Variants in SLC7A14 observed in about 807,000 individuals in gnomAD.
The protein encoded by SLC7A14 is solute carrier family 7 member 14.
SLC7A14 carries 37 observed loss-of-function variants against 60.2 expected under a neutral mutation model. The observed-to-expected ratio is 0.61, with a 90% confidence interval of 0.47 to 0.81. The LOEUF (loss-of-function observed/expected upper bound fraction) is 0.81. Ranked by LOEUF, SLC7A14 falls within the 30% of genes least tolerant of loss-of-function variation. The probability of loss-of-function intolerance (pLI) is 0.00; values close to 1 mark genes in which losing one functional copy is unlikely to be tolerated. For synonymous variants in SLC7A14, 399 were observed against 395.8 expected (o/e 1.01, Z -0.10); for missense variants, 886 against 982.7 (o/e 0.90, Z 1.32).
At chr3:170,496,623 G>T in intron 4 of SLC7A14, 1 of 1,535,698 alleles carries the variant, frequency 6.5e-7, no homozygotes, top group Non-Finnish European at 9.0e-7. Flanking sequence ...GCTGGAGGGC[G>T]AGGAGAGCCC....
At chr3:170,584,711 C>A (rs987854876) in intron 1 of SLC7A14, among the ~76,000 whole-genome samples, 7 of 152,188 alleles carry the variant, frequency 4.6e-5, no homozygotes, top group African/African-American at 1.7e-4. Flanking sequence ...GAACTTTCAG[C>A]ACCGCGGACA....
rs78612457 is a variant in SLC7A14, at chr3:170,582,259, G to T, written c.-153+3652C>A. 3.2e-3 allele frequency among the ~76,000 whole-genome samples: 494 copies of T among 152,086 alleles called. 12 individuals carry two copies. In the East Asian group the frequency reaches 0.085, roughly 26 times the overall value. On this transcript the variant is annotated intron_variant, in intron 1 of 7. Transcript: ENST00000231706. The stretch of plus-strand genomic sequence containing the variant: ...ACTTCTTCCCAGTTCCTAGTTCTTG[G>T]TTGCTGTGAGGGTGTGTTTAGTACT...
At chr3:170,558,878 T>C (rs1577561888) in intron 1 of SLC7A14, among the ~76,000 whole-genome samples, 1 of 152,190 alleles carries the variant, frequency 6.6e-6, no homozygotes, top group South Asian at 2.1e-4. Context: ...GCAGAAGAGG[T>C]GGTCATTCCT....
At chr3:170,567,754 A>G (rs62294661) in intron 1 of SLC7A14, among the ~76,000 whole-genome samples, 6 of 151,846 alleles carry the variant, frequency 4.0e-5, no homozygotes, top group African/African-American at 7.3e-5. Context: ...TTTCTCTGAT[A>G]GCCAGTGATG....
chr3:170,490,005 A>G (rs1189691502), intron 4 of SLC7A14, among the ~76,000 whole-genome samples: 1 of 152,156 alleles, frequency 6.6e-6, no homozygotes, highest in Non-Finnish European at 1.5e-5. Flanking sequence ...AAAAAAGTAG[A>G]AAGAATGAGT....
rs1462328910 is a variant in SLC7A14 at position 170,467,296 on chromosome 3, G to A, written c.2075C>T (p.Thr692Met). ...SAREEALHQS[T>M]YQRYDVDDPF... is the part of the protein sequence containing the mutation. ...GTCATCCACGTCGTAGCGTTGGTAC[G>A]TGCTTTGGTGCAGGGCCTCTTCTCG... The change falls in exon 8 of 8, where the codon ACG becomes ATG. Residue 692 changes from threonine (T) to methionine (M), a missense_variant. Thr to Met is a moderately conservative substitution (Grantham distance 81). Coordinates refer to ENST00000231706, the MANE Select transcript of SLC7A14 (RefSeq NM_020949.3). 2.5e-6 allele frequency: 4 copies of A among 1,614,074 alleles called. No individual in the cohort carries two copies. The highest frequency in any genetic ancestry group is 2.2e-5 in the East Asian group (1 of 44,896).
chr3:170,556,912 A>G (rs1381408902), intron 1 of SLC7A14, among the ~76,000 whole-genome samples: 1 of 152,082 alleles, frequency 6.6e-6, no homozygotes, highest in East Asian at 1.9e-4. Context: ...GCTATCTCCC[A>G]CTCTCATCAC....
chr3:170,502,327 A>C (rs1353586121), intron 2 of SLC7A14, among the ~76,000 whole-genome samples: 1 of 152,226 alleles, frequency 6.6e-6, no homozygotes, highest in African/African-American at 2.4e-5. Flanking sequence ...CTGCATTTTA[A>C]CCAGTTCCCA....
chr3:170,504,230 C>A (rs1055565956), intron 2 of SLC7A14, among the ~76,000 whole-genome samples: 1 of 152,044 alleles, frequency 6.6e-6, no homozygotes, highest in Non-Finnish European at 1.5e-5. Context: ...TTTAAAATAT[C>A]TGGTATGTAA....
chr3:170,577,813 G>A (rs1715139069), intron 1 of SLC7A14, among the ~76,000 whole-genome samples: 1 of 152,128 alleles, frequency 6.6e-6, no homozygotes, highest in Non-Finnish European at 1.5e-5. Flanking sequence ...CATATTAAGA[G>A]CTAAATGCCC....
Position 170,515,910 on chromosome 3 carries a change from G to C in SLC7A14, c.304+10723C>G, listed in dbSNP as rs1184410517. Among the ~76,000 whole-genome samples the C allele has an allele frequency of 2.0e-5, 3 of 152,068 alleles. No individual in the cohort carries two copies. The East Asian group carries it at 5.8e-4, about 29-fold the overall frequency. On this transcript the variant is annotated intron_variant, in intron 2 of 7. Transcript: ENST00000231706. ...TGTGCACATCTTGTTTCTTCATATT[G>C]ATATCAAGCCCTTTGTCTCAGGGTT...
rs73882027 is a variant in SLC7A14 at position 170,508,680 on chromosome 3, A to T, written c.305-7335T>A. Among the ~76,000 whole-genome samples the T allele has an allele frequency of 6.3e-3, 952 of 152,292 alleles. 6 individuals are homozygous for T. Among genetic ancestry groups the T allele is most frequent in the African/African-American group, 0.021 (890 of 41,558 alleles). On this transcript the variant is annotated intron_variant, in intron 2 of 7. Coordinates refer to ENST00000231706, the MANE Select transcript of SLC7A14 (RefSeq NM_020949.3). ...AAATACAGCATTTTGCTGAGTTGTTACTTATTTTCTTCTGATTTCCTTACT... is the reference window on the plus strand; with the variant it reads ...AAATACAGCATTTTGCTGAGTTGTTTCTTATTTTCTTCTGATTTCCTTACT...
rs756411070 is a variant in SLC7A14, at chr3:170,460,797, T to C, written c.*6258A>G. On this transcript the variant is annotated 3_prime_UTR_variant, in exon 8 of 8. Coordinates refer to ENST00000231706, the MANE Select transcript of SLC7A14 (RefSeq NM_020949.3). ...CTTATGTGTACCAACATGTACTAAATGTCCCAAAGAGTAAGAAATTAGAAC... is the reference window on the plus strand; with the variant it reads ...CTTATGTGTACCAACATGTACTAAACGTCCCAAAGAGTAAGAAATTAGAAC... 3 of 152,218 alleles carry C rather than the reference T, an allele frequency of 2.0e-5. No individual in the cohort carries two copies. The highest frequency in any genetic ancestry group is 4.4e-5 in the Non-Finnish European group (3 of 68,026). 9.4% of individuals were successfully genotyped at this position (152,218 alleles called of 1,614,324 possible). A position where few individuals can be genotyped will look rare whatever the true frequency, so the allele number is the denominator to read the frequency against.
At chr3:170,563,136 T>C (rs1390129591) in intron 1 of SLC7A14, among the ~76,000 whole-genome samples, 1 of 152,186 alleles carries the variant, frequency 6.6e-6, no homozygotes, top group African/African-American at 2.4e-5. Context: ...ACTGATATTC[T>C]AGATGGTTTA....
chr3:170,583,055 T>A (rs1577580020), intron 1 of SLC7A14, among the ~76,000 whole-genome samples: 3 of 152,232 alleles, frequency 2.0e-5, no homozygotes, highest in African/African-American at 7.2e-5. Flanking sequence ...TTAGCACTTA[T>A]AATGATCTTT....
chr3:170,476,783 A>T (rs1711630979), intron 7 of SLC7A14: 1 of 152,232 alleles, frequency 6.6e-6, no homozygotes, highest in South Asian at 2.1e-4. Flanking sequence ...AAGTAAACTG[A>T]GGCCCAAAGA....
intron 7 of SLC7A14, among the ~76,000 whole-genome samples, chr3:170,476,252 A>G (rs2108266534): frequency 6.6e-6 from 1 of 152,352 alleles, no homozygotes; most frequent in South Asian, 2.1e-4. Flanking sequence ...ATGTGTAGCT[A>G]GGGTTGAGAA....
Position 170,532,682 on chromosome 3 carries a change from T to TG in SLC7A14, c.-152-5595_-152-5594insC, listed in dbSNP as rs1009504017. 6.0e-5 allele frequency among the ~76,000 whole-genome samples: 9 copies of TG among 150,772 alleles called. No individual in the cohort carries two copies. The highest frequency in any genetic ancestry group is 4.2e-4 in the South Asian group (2 of 4,800). ...GCCCCTGACCAGGTGTTTTTTTTTT[T>TG]TTGTTGTTGTTGTTCCCTGCTACTG... On this transcript the variant is annotated intron_variant, in intron 1 of 7. Coordinates refer to ENST00000231706, the MANE Select transcript of SLC7A14 (RefSeq NM_020949.3). This position sits in a 1 kb window ranked among gnomAD's most constrained non-coding sequence, Gnocchi z 4.0.
At chr3:170,568,940 A>T (rs1714868671) in intron 1 of SLC7A14, among the ~76,000 whole-genome samples, 1 of 152,202 alleles carries the variant, frequency 6.6e-6, no homozygotes, top group South Asian at 2.1e-4. Context: ...TAGATATACA[A>T]TCATGTCATC....
Sources: allele counts gnomAD v4.1 joint callset (sites outside exome capture counted in the v4.1 genomes callset), GRCh38; gene constraint gnomAD v4.1.1; non-coding constraint Gnocchi (gnomAD v3.1); transcripts MANE v1.5; gene names NCBI Gene and HGNC (gene_info 2026-07-23, HGNC 2026-07-21).